Variants in CARS2 observed in about 807,000 individuals in gnomAD.
The protein encoded by CARS2 is cysteinyl-tRNA synthetase 2, mitochondrial.
CARS2 carries 52 observed loss-of-function variants against 68.8 expected under a neutral mutation model. That is an observed-to-expected ratio of 0.76 (90% CI 0.61 to 0.95). The LOEUF is 0.95. Ranked by LOEUF, CARS2 falls within the 40% of genes least tolerant of loss-of-function variation. The pLI, the probability that CARS2 is intolerant of heterozygous loss-of-function variation, is 0.00. For synonymous variants in CARS2, 314 were observed against 303.6 expected, an observed-to-expected ratio of 1.03 and a Z score of -0.36; for missense variants, 780 against 754.2, an observed-to-expected ratio of 1.03 and a Z score of -0.40.
intron 14 of CARS2, 74 bp from the exon 15 acceptor site, chr13:110,641,682 C>T (rs575008449): frequency 9.6e-6 from 12 of 1,249,334 alleles, no homozygotes; most frequent in Non-Finnish European, 1.4e-5. Context: ...CAGGCGTAAT[C>T]AGGTTCAGGG....
intron 6 of CARS2, chr13:110,678,160 GT>G (rs2063025489): frequency 6.6e-6 from 1 of 152,270 alleles, no homozygotes; most frequent in South Asian, 2.1e-4. Flanking sequence ...ACCAGGTGGG[GT>G]TTTCCCATTT....
Position 110,705,967 on chromosome 13 carries a change from G to C in CARS2, c.127C>G (p.Leu43Val). Residue 43 changes from leucine to valine, a missense_variant, in exon 1 of 15, where the codon CTG becomes GTG. Transcript: ENST00000257347. The surrounding 1 kb of genome is among the most constrained non-coding windows in gnomAD (Gnocchi z 4.0). ...AASGGRGRAWLQPTGRETGVQ... is the reference protein window; with the variant it reads ...AASGGRGRAWVQPTGRETGVQ... Reference sequence around the variant, plus strand: ...CCCGTCTCCCGGCCCGTGGGCTGCAGCCAGGCCCGCCCGCGCCCCCCGCTC... The same window carrying C: ...CCCGTCTCCCGGCCCGTGGGCTGCACCCAGGCCCGCCCGCGCCCCCCGCTC... 1 of 1,525,054 alleles carries C rather than the reference G, an allele frequency of 6.6e-7. No individual in the cohort carries two copies. Among genetic ancestry groups the C allele is most frequent in the Non-Finnish European group, 8.8e-7 (1 of 1,140,224 alleles). 94.5% of individuals were successfully genotyped at this position (1,525,054 alleles called of 1,614,324 possible).
chr13:110,702,438 T>C (rs2063814670), intron 2 of CARS2, among the ~76,000 whole-genome samples: 1 of 152,244 alleles, frequency 6.6e-6, no homozygotes, highest in Non-Finnish European at 1.5e-5. Context: ...TGTCCAGCCT[T>C]ACCGCCTGTG....
rs1316552112 is a variant in CARS2, at chr13:110,653,331, A to G, written c.988-2231T>C. 1.3e-5 allele frequency among the ~76,000 whole-genome samples: 2 copies of G among 152,086 alleles called. No individual in the cohort carries two copies. The highest frequency in any genetic ancestry group is 2.9e-5 in the Non-Finnish European group (2 of 68,022). ...GGGTGCTCCTTCCCAAATTGTGAAA[A>G]AAGGAATATTACTCCTGGGTCCTCT... On this transcript the variant is annotated intron_variant, in intron 9 of 14. Transcript: ENST00000257347. This position sits in a 1 kb window ranked among gnomAD's most constrained non-coding sequence, Gnocchi z 5.6.
chr13:110,651,211 T>G, intron 9 of CARS2, 111 bp from the exon 10 acceptor site: 1 of 673,594 alleles, frequency 1.5e-6, no homozygotes, highest in Non-Finnish European at 2.4e-6. Flanking sequence ...TATCAAGAAA[T>G]CAGGAACCTT....
At chr13:110,685,816 A>G (rs1479870340) in intron 5 of CARS2, among the ~76,000 whole-genome samples, 1 of 152,112 alleles carries the variant, frequency 6.6e-6, no homozygotes, top group East Asian at 1.9e-4. Context: ...CTTCATCACC[A>G]AAGCAGCAAA....
intron 9 of CARS2, among the ~76,000 whole-genome samples, chr13:110,652,265 G>A (rs2062235696): frequency 6.6e-6 from 1 of 152,268 alleles, no homozygotes. Flanking sequence ...TCAGAGCTCA[G>A]ATACCCACTT....
chr13:110,665,773 T>A lies in CARS2; in HGVS notation c.919+1567A>T. On this transcript the variant is annotated intron_variant, in intron 8 of 14. Transcript: ENST00000257347. The surrounding 1 kb of genome is among the most constrained non-coding windows in gnomAD (Gnocchi z 4.3). ...AGTGACTTCGGGGCAATCAGCCTCA[T>A]CTATTTACTTTCATGAAGAAACCCA... is the stretch of plus-strand genomic sequence containing the variant. 4 of 985,304 alleles carry A rather than the reference T, an allele frequency of 4.1e-6. No individual in the cohort carries two copies. The highest frequency in any genetic ancestry group is 4.8e-6 in the Non-Finnish European group (4 of 829,884). The allele number at this position is 985,304 out of a possible 1,614,324, so 61.0% of individuals were successfully genotyped here.
At chr13:110,707,059 CT>C (rs567172952), upstream of CARS2, among the ~76,000 whole-genome samples, 14 of 151,656 alleles carry the variant, frequency 9.2e-5, no homozygotes, top group East Asian at 1.9e-3. Flanking sequence ...GTGTGCACCC[CT>C]AATACACTGT....
chr13:110,699,473 T>C (rs987196522), intron 3 of CARS2, among the ~76,000 whole-genome samples: 4 of 152,242 alleles, frequency 2.6e-5, no homozygotes, highest in Admixed American at 2.6e-4. Context: ...CAGTGGTAAC[T>C]GGCAAAGTAT....
chr13:110,699,196 C>A (rs1298367284), intron 3 of CARS2, among the ~76,000 whole-genome samples: 1 of 152,152 alleles, frequency 6.6e-6, no homozygotes, highest in Admixed American at 6.5e-5. Flanking sequence ...CGTTTCTATT[C>A]ATTATAAATT....
chr13:110,686,784 T>C (rs2063315178), intron 5 of CARS2, among the ~76,000 whole-genome samples: 1 of 151,764 alleles, frequency 6.6e-6, no homozygotes. Context: ...TCTCAAATTC[T>C]TGGCCTCAAG....
In CARS2 at chr13:110,641,621, AGT is replaced by A. The variant is rs766876067; in HGVS notation, c.1624-15_1624-14del. The A allele has an allele frequency of 3.1e-6, 5 of 1,608,712 alleles. No homozygotes were observed. The African/African-American group carries it at 6.7e-5, about 22-fold the overall frequency. On this transcript the variant is annotated splice_polypyrimidine_tract_variant and intron_variant, in intron 14 of 14. Coordinates refer to ENST00000257347, the MANE Select transcript of CARS2 (RefSeq NM_024537.4). The stretch of plus-strand genomic sequence containing the variant: ...TACTGCTTCTGTCCTGGAGAAGAAG[AGT>A]GAGGTCCAACTCTGAGCAGACACCA...
intron 11 of CARS2, chr13:110,646,432 TCA>T: frequency 5.5e-6 from 1 of 183,274 alleles, no homozygotes; most frequent in East Asian, 1.6e-4. Context: ...GGCTGACCAC[TCA>T]CAAAGAGAGG....
At chr13:110,692,195 C>A (rs1045836869) in intron 3 of CARS2, among the ~76,000 whole-genome samples, 7 of 151,734 alleles carry the variant, frequency 4.6e-5, no homozygotes, top group African/African-American at 1.7e-4. Flanking sequence ...GGTGGCCGGG[C>A]GCAGTGGCTC....
intron 2 of CARS2, among the ~76,000 whole-genome samples, chr13:110,702,093 G>A (rs1323532135): frequency 6.6e-6 from 1 of 152,110 alleles, no homozygotes; most frequent in Non-Finnish European, 1.5e-5. Flanking sequence ...AACTAAAAGG[G>A]TTTAAAATCT....
Position 110,642,500 on chromosome 13 carries a change from C to T in CARS2, c.1438G>A (p.Glu480Lys), listed in dbSNP as rs192532265. 1.3e-4 allele frequency: 208 copies of T among 1,607,906 alleles called. No homozygotes were observed. Among genetic ancestry groups the T allele is most frequent in the Non-Finnish European group, 1.6e-4 (187 of 1,177,686 alleles). The change falls in exon 14 of 15, where the codon GAG (glutamate) becomes AAG (lysine). Residue 480 changes from glutamate (E) to lysine (K), a missense_variant. Physicochemically the swap from Glu to Lys is moderately conservative, Grantham distance 56. Transcript: ENST00000257347. ...NQQYVSGDGS[E>K]ATLHGVVDEL... Reference sequence around the variant, plus strand: ...TCCACCACACCATGCAAGGTAGCCTCGCTGCCGTCTCCTGAAACGTACTGA... The same window carrying T: ...TCCACCACACCATGCAAGGTAGCCTTGCTGCCGTCTCCTGAAACGTACTGA...
chr13:110,669,314 T>C (rs2062737534), intron 7 of CARS2, among the ~76,000 whole-genome samples: 1 of 152,146 alleles, frequency 6.6e-6, no homozygotes, highest in South Asian at 2.1e-4. Flanking sequence ...AGTCCATGAA[T>C]GGAGCAGAGT....
intron 2 of CARS2, among the ~76,000 whole-genome samples, chr13:110,703,847 A>ATGTT (rs2063861880): frequency 6.6e-6 from 1 of 152,194 alleles, no homozygotes; most frequent in Non-Finnish European, 1.5e-5. Flanking sequence ...TATGGTCTGA[A>ATGTT]TGTTTGTCTT....
Sources: allele counts gnomAD v4.1 joint callset (sites outside exome capture counted in the v4.1 genomes callset), GRCh38; gene constraint gnomAD v4.1.1; non-coding constraint Gnocchi (gnomAD v3.1); transcripts MANE v1.5; gene names NCBI Gene and HGNC (gene_info 2026-07-23, HGNC 2026-07-21).